The following CLMP variants were observed in gnomAD, a reference collection of about 807,000 sequenced individuals.
CLMP encodes the protein CXADR like cell adhesion molecule.
In CLMP, 27 loss-of-function variants were observed where a neutral mutation model predicts 45.2. The ratio of observed to expected loss-of-function variants is 0.60; its 90% CI spans 0.44 to 0.82. The LOEUF is 0.82. CLMP is among the 40% of genes least tolerant of loss of function. The pLI is 0.00. For synonymous variants in CLMP, 167 were observed against 171.4 expected (o/e 0.97, Z 0.20); for missense variants, 403 against 448.4 (o/e 0.90, Z 0.91).
chr11:123,111,671 A>G (rs1860640886), intron 1 of CLMP, among the ~76,000 whole-genome samples: 1 of 152,162 alleles, frequency 6.6e-6, no homozygotes, highest in South Asian at 2.1e-4. Flanking sequence ...AGAATGACAG[A>G]CTACTTTGGA....
intron 1 of CLMP, among the ~76,000 whole-genome samples, chr11:123,143,775 C>T (rs888093142): frequency 7.2e-5 from 11 of 152,134 alleles, no homozygotes; most frequent in African/African-American, 2.7e-4. Context: ...AGATGAGGAC[C>T]CAGCCCTTGC....
chr11:123,150,094 T>C (rs958297646), intron 1 of CLMP, among the ~76,000 whole-genome samples: 6 of 151,742 alleles, frequency 4.0e-5, no homozygotes, highest in African/African-American at 1.5e-4. Context: ...TATGAGACAC[T>C]GTGCCCAGAC....
intron 1 of CLMP, among the ~76,000 whole-genome samples, chr11:123,141,416 C>T (rs1861156344): frequency 6.6e-6 from 1 of 152,012 alleles, no homozygotes; most frequent in Non-Finnish European, 1.5e-5. Context: ...GATCTCCTGA[C>T]CTCGTGATCC....
chr11:123,171,053 A>G (rs1220706671), intron 1 of CLMP, among the ~76,000 whole-genome samples: 1 of 152,238 alleles, frequency 6.6e-6, no homozygotes, highest in African/African-American at 2.4e-5. Flanking sequence ...CACAGCAAAA[A>G]GCAACCAGCT....
At chr11:123,140,895 C>T (rs1306911671) in intron 1 of CLMP, among the ~76,000 whole-genome samples, 1 of 152,080 alleles carries the variant, frequency 6.6e-6, no homozygotes, top group Non-Finnish European at 1.5e-5. Flanking sequence ...GGGTGGATCC[C>T]TCATGAATGT....
chr11:123,133,818 G>T (rs551645181), intron 1 of CLMP, among the ~76,000 whole-genome samples: 231 of 152,232 alleles, frequency 1.5e-3, no homozygotes, highest in African/African-American at 5.4e-3. Context: ...TCTGAGCGGG[G>T]AGGCCTTGCT....
In CLMP at chr11:123,109,588, A is replaced by C. The variant is rs140259919; in HGVS notation, c.29-11636T>G. ...TGGCACAGAGCTAGGTAGCAGAGCT[A>C]ATCTGGTTGGACACACCTGAGGTAC... On this transcript the variant is annotated intron_variant, in intron 1 of 6. Coordinates refer to ENST00000448775, the MANE Select transcript of CLMP (RefSeq NM_024769.5). 5.3e-5 allele frequency among the ~76,000 whole-genome samples: 8 copies of C among 152,346 alleles called. No homozygotes were observed. The East Asian group carries it at 1.5e-3, about 29-fold the overall frequency.
intron 1 of CLMP, among the ~76,000 whole-genome samples, chr11:123,131,877 A>G (rs1860994894): frequency 6.6e-6 from 1 of 152,094 alleles, no homozygotes; most frequent in Non-Finnish European, 1.5e-5. Flanking sequence ...TAGCCTCCCA[A>G]AGTGCTGGGA....
chr11:123,144,315 A>G (rs1861207217), intron 1 of CLMP, among the ~76,000 whole-genome samples: 1 of 152,250 alleles, frequency 6.6e-6, no homozygotes, highest in Non-Finnish European at 1.5e-5. Context: ...TGCAGAATAC[A>G]TTACTGGATC....
At chr11:123,170,721 G>T (rs553612976) in intron 1 of CLMP, among the ~76,000 whole-genome samples, 1 of 152,128 alleles carries the variant, frequency 6.6e-6, no homozygotes, top group Non-Finnish European at 1.5e-5. Flanking sequence ...GATTACAGGC[G>T]TGAGCCACCA....
chr11:123,103,167 T>C (rs1445193428), intron 1 of CLMP, among the ~76,000 whole-genome samples: 1 of 152,122 alleles, frequency 6.6e-6, no homozygotes, highest in Non-Finnish European at 1.5e-5. Context: ...TTAGAATAGC[T>C]GGGAAATTCA....
Position 123,084,573 on chromosome 11 carries a change from G to A in CLMP, c.327C>T (p.Tyr109=). 2 of 1,614,210 alleles carry A rather than the reference G, an allele frequency of 1.2e-6. No homozygotes were observed. The highest frequency in any genetic ancestry group is 1.7e-6 in the Non-Finnish European group (2 of 1,180,044). ...GCCCTGAATTCTTAACCTTACAGGT[G>A]TACCGGCCCTCATCACTGGGCTTCA... ...EPLKPSDEGR[Y]TCKVKNSGRY... is the part of the protein sequence containing the mutation. Residue 109 remains tyrosine, a synonymous_variant, in exon 3 of 7, where the codon TAC becomes TAT. Coordinates refer to ENST00000448775, the MANE Select transcript of CLMP (RefSeq NM_024769.5).
intron 1 of CLMP, among the ~76,000 whole-genome samples, chr11:123,177,849 T>C (rs1256054726): frequency 6.6e-6 from 1 of 152,178 alleles, no homozygotes; most frequent in Non-Finnish European, 1.5e-5. Context: ...TTTATTTATT[T>C]TTATTTAATT....
At chr11:123,150,387 A>G (rs1406986174) in intron 1 of CLMP, among the ~76,000 whole-genome samples, 1 of 147,636 alleles carries the variant, frequency 6.8e-6, no homozygotes, top group Admixed American at 7.0e-5. Flanking sequence ...AATTAGAGCC[A>G]AAAAGATGAA....
At chr11:123,149,790 C>CTTTCTTCCTTT (rs1565397092) in intron 1 of CLMP, among the ~76,000 whole-genome samples, 1 of 149,786 alleles carries the variant, frequency 6.7e-6, no homozygotes, top group East Asian at 2.0e-4. Context: ...TTTCTTTCTT[C>CTTTCTTCCTTT]CTTTCTTTCT....
At position 123,081,110 on chromosome 11, in the gene CLMP, G is replaced by A. The variant is rs576983936; in HGVS notation, c.679+1975C>T. ...GGAGGTGGCAATGAGCCAAGACCACGCCATTGCACTGCAGCCTGGGTGACA... is the reference window on the plus strand; with the variant it reads ...GGAGGTGGCAATGAGCCAAGACCACACCATTGCACTGCAGCCTGGGTGACA... On this transcript the variant is annotated intron_variant, in intron 5 of 6. Coordinates refer to ENST00000448775, the MANE Select transcript of CLMP (RefSeq NM_024769.5). Among the ~76,000 whole-genome samples, 6 of 151,968 alleles carry A rather than the reference G, an allele frequency of 3.9e-5. No individual in the cohort carries two copies. The East Asian group carries it at 7.7e-4, about 20-fold the overall frequency.
chr11:123,161,101 C>T (rs1389044076), intron 1 of CLMP, among the ~76,000 whole-genome samples: 1 of 152,148 alleles, frequency 6.6e-6, no homozygotes, highest in Non-Finnish European at 1.5e-5. Flanking sequence ...AAGGCAATTA[C>T]TTGTCCAAAG....
chr11:123,119,059 CTCTCT>C (rs1860773346), intron 1 of CLMP, among the ~76,000 whole-genome samples: 2 of 53,864 alleles, frequency 3.7e-5, no homozygotes, highest in Non-Finnish European at 3.2e-5. Context: ...CTCCCTCTCT[CTCTCT>C]CTCTCTCTCT....
At chr11:123,171,740 G>A (rs118004753) in intron 1 of CLMP, among the ~76,000 whole-genome samples, 4 of 151,896 alleles carry the variant, frequency 2.6e-5, no homozygotes, top group South Asian at 2.1e-4. Flanking sequence ...CACCGCGCTC[G>A]GCCTGTTGGA....
Sources: allele counts gnomAD v4.1 joint callset (sites outside exome capture counted in the v4.1 genomes callset), GRCh38; gene constraint gnomAD v4.1.1; transcripts MANE v1.5; gene names NCBI Gene and HGNC (gene_info 2026-07-23, HGNC 2026-07-21).